MPST: variants seen among roughly 807,000 people sequenced by gnomAD.
MPST encodes the protein mercaptopyruvate sulfurtransferase.
MPST carries 27 observed loss-of-function variants against 28.5 expected under a neutral mutation model. That is an observed-to-expected ratio of 0.95 (90% CI 0.70 to 1.31). MPST has a LOEUF of 1.31. MPST is among the 50% of genes most tolerant of loss of function. MPST has a pLI of 0.00. For synonymous variants in MPST, 204 were observed against 209.3 expected (o/e 0.97, Z 0.22); for missense variants, 492 against 471.1 (o/e 1.04, Z -0.41).
Position 37,029,483 on chromosome 22 carries a change from T to C in MPST, c.923T>C (p.Val308Ala), listed in dbSNP as rs751757735. ...TACATGCGCGCCCGGCCCGAGGATG[T>C]CATCTCAGAGGGCCGGGGGAAGACC... ...EWYMRARPEDVISEGRGKTH is the reference protein window; with the variant it reads ...EWYMRARPEDAISEGRGKTH The change falls in exon 3 of 3, where the codon GTC (valine) becomes GCC (alanine). Residue 308 changes from valine (V) to alanine (A), a missense_variant. Coordinates refer to ENST00000429360, the MANE Select transcript of MPST (RefSeq NM_021126.8). 1 of 1,609,636 alleles carries C rather than the reference T, an allele frequency of 6.2e-7. No individual in the cohort carries two copies. Among genetic ancestry groups the C allele is most frequent in the South Asian group, 1.1e-5 (1 of 90,838 alleles).
rs760001626 is a variant in MPST at position 37,024,384 on chromosome 22, G to T, written c.229G>T (p.Ala77Ser). The part of the protein sequence containing the change: ...REFEERHIPG[A>S]AFFDIDQCSD... ...GTTCGAGGAGCGCCACATCCCGGGC[G>T]CCGCTTTCTTCGACATCGACCAGTG... Residue 77 changes from alanine to serine, a missense_variant, in exon 2 of 3, where the codon GCC becomes TCC. By Grantham distance (99) the Ala-to-Ser change is moderately conservative. Coordinates refer to ENST00000429360, the MANE Select transcript of MPST (RefSeq NM_021126.8). 1.3e-6 allele frequency: 2 copies of T among 1,544,104 alleles called. No individual in the cohort carries two copies. Among genetic ancestry groups the T allele is most frequent in the East Asian group, 4.9e-5 (2 of 41,056 alleles).
chr22:37,029,696 A>G lies in MPST; in HGVS notation c.*182A>G. ...TGGCTGCCAGTAGGGGCGGGAGGAA[A>G]GGCGGAGGCGAGCCCTGGAGGAGGG... is the stretch of plus-strand genomic sequence containing the variant. On this transcript the variant is annotated 3_prime_UTR_variant, in exon 3 of 3. Coordinates refer to ENST00000429360, the MANE Select transcript of MPST (RefSeq NM_021126.8). 1 of 679,278 alleles carries G rather than the reference A, an allele frequency of 1.5e-6. No individual in the cohort carries two copies. The highest frequency in any genetic ancestry group is 2.7e-5 in the East Asian group (1 of 36,406). The allele number at this position is 679,278 out of a possible 1,614,324, so 42.1% of individuals were successfully genotyped here.
In MPST at chr22:37,023,865, C is replaced by T. The variant is rs777679327; in HGVS notation, c.37-327C>T. The T allele has an allele frequency of 8.3e-6, 12 of 1,445,984 alleles. No homozygotes were observed. In the African/African-American group the frequency reaches 1.6e-4, roughly 19 times the overall value. The allele number at this position is 1,445,984 out of a possible 1,614,324, so 89.6% of individuals were successfully genotyped here. The stretch of plus-strand genomic sequence containing the variant: ...GTGGAGACTTTGCCCCTGTTTGTGC[C>T]TTGAAGCCAGCAGGGCCTTGCCCTA... On this transcript the variant is annotated intron_variant, in intron 1 of 2. Transcript: ENST00000429360.
At chr22:37,028,957 G>A (rs962913271) in intron 2 of MPST, 3 of 466,602 alleles carry the variant, frequency 6.4e-6, no homozygotes, top group African/African-American at 5.9e-5. Context: ...CCAGTTCTTA[G>A]GTTCAAAGTT....
rs267606240 is a variant in MPST, at chr22:37,024,968, C to A, written c.655+158C>A. ...TCCTTCCCTTTCCCTTCCCTCCTTT[C>A]CCCCTTTTCCCTACCCTTGCCTTCT... is the stretch of plus-strand genomic sequence containing the variant. On this transcript the variant is annotated intron_variant, in intron 2 of 2. Coordinates refer to ENST00000429360, the MANE Select transcript of MPST (RefSeq NM_021126.8). 3 of 1,499,246 alleles carry A rather than the reference C, an allele frequency of 2.0e-6. No homozygotes were observed. In the African/African-American group the frequency reaches 4.2e-5, roughly 21 times the overall value. The allele number at this position is 1,499,246 out of a possible 1,614,324, so 92.9% of individuals were successfully genotyped here.
chr22:37,029,508 C>T lies in MPST; in HGVS notation c.948C>T (p.Thr316=), dbSNP rs765016227. ...EDVISEGRGK[T]H ...TCATCTCAGAGGGCCGGGGGAAGAC[C>T]CACTGAAGCTGGGCAGGACACAGGC... is the stretch of plus-strand genomic sequence containing the variant. The change falls in exon 3 of 3, where the codon ACC becomes ACT. Residue 316 remains threonine, a synonymous_variant. Coordinates refer to ENST00000429360, the MANE Select transcript of MPST (RefSeq NM_021126.8). 1 of 1,601,544 alleles carries T rather than the reference C, an allele frequency of 6.2e-7. No individual in the cohort carries two copies. The highest frequency in any genetic ancestry group is 1.7e-5 in the Admixed American group (1 of 59,372).
rs149693340 is a variant in MPST at position 37,025,286 on chromosome 22, G to A, written c.655+476G>A. On this transcript the variant is annotated intron_variant, in intron 2 of 2. Transcript: ENST00000429360. The stretch of plus-strand genomic sequence containing the variant: ...CAGCTCTCAATCCAACACTAGAGGT[G>A]TGGGGGGTCACTGTGGAATGTTGGG... The A allele has an allele frequency of 3.1e-4, 191 of 618,788 alleles. No individual in the cohort carries two copies. In the African/African-American group the frequency reaches 3.2e-3, roughly 10 times the overall value. The allele number at this position is 618,788 out of a possible 1,614,324, so 38.3% of individuals were successfully genotyped here.
chr22:37,028,009 A>T (rs1002196716), intron 2 of MPST: 1 of 152,200 alleles, frequency 6.6e-6, no homozygotes, highest in South Asian at 2.1e-4. Flanking sequence ...AAAAGAGAGG[A>T]TAATAATTTC....
intron 1 of MPST, among the ~76,000 whole-genome samples, chr22:37,021,534 G>A (rs1053914166): frequency 6.6e-6 from 1 of 151,998 alleles, no homozygotes; most frequent in Non-Finnish European, 1.5e-5. Flanking sequence ...GTGCAGTGGC[G>A]CGATCTCGGC....
intron 1 of MPST, among the ~76,000 whole-genome samples, chr22:37,022,347 A>G (rs1006267685): frequency 1.5e-4 from 23 of 152,248 alleles, no homozygotes; most frequent in African/African-American, 5.3e-4. Flanking sequence ...TCAACACTGA[A>G]TTCTAAACTA....
At chr22:37,024,954 C>A (rs1005981195) in intron 2 of MPST, 144 bp downstream of exon 2, 35 of 1,516,226 alleles carry the variant, frequency 2.3e-5, no homozygotes, top group Non-Finnish European at 2.2e-5. Flanking sequence ...CCTTCCCTTT[C>A]CCTTCCCTCC....
At position 37,029,479 on chromosome 22, in the gene MPST, G is replaced by A; in HGVS notation, c.919G>A (p.Asp307Asn). The stretch of plus-strand genomic sequence containing the variant: ...GTGGTACATGCGCGCCCGGCCCGAG[G>A]ATGTCATCTCAGAGGGCCGGGGGAA... ...VEWYMRARPE[D>N]VISEGRGKTH Residue 307 changes from aspartate to asparagine, a missense_variant, in exon 3 of 3, where the codon GAT (aspartate) becomes AAT (asparagine). Physicochemically the swap from Asp to Asn is conservative, Grantham distance 23 (BLOSUM62 1). Transcript: ENST00000429360. The A allele has an allele frequency of 6.2e-7, 1 of 1,610,498 alleles. No individual in the cohort carries two copies. The highest frequency in any genetic ancestry group is 8.5e-7 in the Non-Finnish European group (1 of 1,178,200).
Position 37,029,463 on chromosome 22 carries a change from G to A in MPST, c.903G>A (p.Met301Ile). Residue 301 changes from methionine to isoleucine, a missense_variant, in exon 3 of 3, where the codon ATG becomes ATA. By Grantham distance (10) the Met-to-Ile change is conservative. Transcript: ENST00000429360. ...ATGGCTCCTGGGTGGAGTGGTACATGCGCGCCCGGCCCGAGGATGTCATCT... is the reference window on the plus strand; with the variant it reads ...ATGGCTCCTGGGTGGAGTGGTACATACGCGCCCGGCCCGAGGATGTCATCT... ...IYDGSWVEWY[M>I]RARPEDVISE... 6.2e-7 allele frequency: 1 copy of A among 1,612,570 alleles called. No individual in the cohort carries two copies. The highest frequency in any genetic ancestry group is 8.5e-7 in the Non-Finnish European group (1 of 1,179,408).
chr22:37,022,430 G>A (rs756898925), intron 1 of MPST, among the ~76,000 whole-genome samples: 13 of 152,166 alleles, frequency 8.5e-5, no homozygotes, highest in Non-Finnish European at 1.8e-4. Context: ...AGAGTGCCTC[G>A]GTGTCCGGCA....
chr22:37,021,358 G>T (rs984618662), intron 1 of MPST, among the ~76,000 whole-genome samples: 1 of 152,026 alleles, frequency 6.6e-6, no homozygotes, highest in African/African-American at 2.4e-5. Flanking sequence ...ACTGGGGCAG[G>T]GTGACCTCAG....
chr22:37,022,701 C>T (rs868196739), intron 1 of MPST, among the ~76,000 whole-genome samples: 6 of 152,240 alleles, frequency 3.9e-5, no homozygotes, highest in African/African-American at 7.2e-5. Flanking sequence ...CCCAAGGCTG[C>T]GGTGCCTAGC....
At position 37,029,250 on chromosome 22, in the gene MPST, C is replaced by T; in HGVS notation, c.690C>T (p.Asn230=). The T allele has an allele frequency of 6.2e-7, 1 of 1,614,184 alleles. No homozygotes were observed. Among genetic ancestry groups the T allele is most frequent in the South Asian group, 1.1e-5 (1 of 91,072 alleles). Residue 230 remains asparagine, a synonymous_variant, in exon 3 of 3, where the codon AAC becomes AAT. Transcript: ENST00000429360. The stretch of plus-strand genomic sequence containing the variant: ...CTGGCCACATCCCAGGTACCGTGAA[C>T]ATCCCCTTCACAGACTTCCTGAGCC... ...IEPGHIPGTV[N]IPFTDFLSQE...
At chr22:37,026,010 C>A (rs1484527112) in intron 2 of MPST, 1 of 152,252 alleles carries the variant, frequency 6.6e-6, no homozygotes, top group Non-Finnish European at 1.5e-5. Context: ...TGGAATCCTG[C>A]AAAGCAATGT....
Position 37,029,300 on chromosome 22 carries a change from AG to A in MPST, c.742del (p.Glu248ArgfsTer32). On this transcript the variant is annotated frameshift_variant, in exon 3 of 3. Coordinates refer to ENST00000429360, the MANE Select transcript of MPST (RefSeq NM_021126.8). LOFTEE classifies it high-confidence loss of function. Reference sequence around the variant, plus strand: ...CAGGAGGGGCTGGAGAAGAGCCCTGAGGAGATCCGCCATCTGTTCCAGGAGA... The same window carrying A: ...CAGGAGGGGCTGGAGAAGAGCCCTGAGAGATCCGCCATCTGTTCCAGGAGA... The part of the protein sequence containing the change: ...LSQEGLEKSP[E>X]EIRHLFQEKK... 6.2e-7 allele frequency: 1 copy of A among 1,614,154 alleles called. No individual in the cohort carries two copies. Among genetic ancestry groups the A allele is most frequent in the Non-Finnish European group, 8.5e-7 (1 of 1,180,020 alleles).
Sources: gnomAD v4.1 joint callset for allele counts (sites outside exome capture counted in the v4.1 genomes callset) on GRCh38, gnomAD v4.1.1 for gene constraint, MANE v1.5 for transcripts, NCBI Gene and HGNC (gene_info 2026-07-23, HGNC 2026-07-21) for gene names.